Variants in CDIN1 observed in about 807,000 individuals in gnomAD.
The protein encoded by CDIN1 is CDAN1 interacting nuclease 1, also known as CDAN1-interacting nuclease 1.
Under a neutral mutation model 45.3 loss-of-function variants are expected in CDIN1, and 33 were observed. The observed-to-expected ratio is 0.73, with a 90% CI of 0.55 to 0.97. CDIN1 has a LOEUF of 0.97. Ranked by LOEUF, CDIN1 falls within the 50% of genes least tolerant of loss-of-function variation. CDIN1 has a pLI of 0.00. For synonymous variants in CDIN1, 118 were observed against 124.4 expected, an observed-to-expected ratio of 0.95 and a Z score of 0.34; for missense variants, 303 against 339.4, an observed-to-expected ratio of 0.89 and a Z score of 0.84.
chr15:36,793,409 C>A (rs777246949), intron 10 of CDIN1, among the ~76,000 whole-genome samples: 29 of 152,178 alleles, frequency 1.9e-4, no homozygotes, highest in Non-Finnish European at 2.8e-4. Context: ...CAGGTCCATG[C>A]TGTCAGTCCC....
At chr15:36,667,006 G>A (rs2140512655) in intron 5 of CDIN1, among the ~76,000 whole-genome samples, 1 of 152,300 alleles carries the variant, frequency 6.6e-6, no homozygotes, top group East Asian at 1.9e-4. Context: ...TAAGTGATTT[G>A]CTGCAGGTCA....
intron 10 of CDIN1, among the ~76,000 whole-genome samples, chr15:36,741,081 T>C (rs2044220413): frequency 6.6e-6 from 1 of 152,080 alleles, no homozygotes; most frequent in Non-Finnish European, 1.5e-5. Context: ...AGAATATAGG[T>C]GTGGACCACC....
intron 10 of CDIN1, among the ~76,000 whole-genome samples, chr15:36,731,823 C>A (rs1393110609): frequency 6.6e-6 from 1 of 152,120 alleles, no homozygotes; most frequent in Non-Finnish European, 1.5e-5. Context: ...AATTGTATTT[C>A]TTTCCCAGGA....
chr15:36,719,144 C>T (rs2140872819), intron 10 of CDIN1, among the ~76,000 whole-genome samples: 1 of 152,056 alleles, frequency 6.6e-6, no homozygotes, highest in African/African-American at 2.4e-5. Flanking sequence ...ATCACTTGAG[C>T]CCAGGAATTT....
At chr15:36,703,989 C>A (rs924840893) in intron 8 of CDIN1, among the ~76,000 whole-genome samples, 2 of 152,122 alleles carry the variant, frequency 1.3e-5, no homozygotes, top group East Asian at 3.9e-4. Flanking sequence ...ACAGCTACTA[C>A]CCTCCCTACA....
intron 1 of CDIN1, among the ~76,000 whole-genome samples, chr15:36,589,178 A>G (rs1188702899): frequency 6.6e-6 from 1 of 152,180 alleles, no homozygotes; most frequent in African/African-American, 2.4e-5. Flanking sequence ...TTTATTACAC[A>G]TTTTGTACAG....
intron 1 of CDIN1, among the ~76,000 whole-genome samples, chr15:36,582,734 T>A (rs2037104778): frequency 6.6e-6 from 1 of 152,196 alleles, no homozygotes; most frequent in Non-Finnish European, 1.5e-5. Flanking sequence ...TTTCAAGGAT[T>A]TTGATGTATA....
intron 1 of CDIN1, chr15:36,617,745 A>T (rs1314720064): frequency 5.2e-5 from 42 of 803,406 alleles, no homozygotes; most frequent in Non-Finnish European, 3.4e-5. Context: ...AGCTTTGTTC[A>T]AATTGAAAAC....
chr15:36,685,675 A>G (rs1200867922), intron 5 of CDIN1, among the ~76,000 whole-genome samples: 1 of 152,204 alleles, frequency 6.6e-6, no homozygotes, highest in Non-Finnish European at 1.5e-5. Context: ...CAAAGGGCTA[A>G]TATCCAGAAT....
In CDIN1 at chr15:36,617,638, C is replaced by G. The variant is rs150106892; in HGVS notation, c.102-26640C>G. The G allele has an allele frequency of 2.9e-4, 221 of 768,822 alleles. 1 individual carries two copies. The East Asian group carries it at 5.3e-3, about 19-fold the overall frequency. 47.6% of individuals were successfully genotyped at this position (768,822 alleles called of 1,614,324 possible). A position where few individuals can be genotyped will look rare whatever the true frequency, so the allele number is the denominator to read the frequency against. On this transcript the variant is annotated intron_variant, in intron 1 of 10. Transcript: ENST00000566621. ...AGTGTTAAGTTCTTCTCCCATGGTA[C>G]AAATTGATGAGAAGGGTAAAAAAGT...
At chr15:36,679,621 T>C (rs1252081580) in intron 5 of CDIN1, among the ~76,000 whole-genome samples, 2 of 152,238 alleles carry the variant, frequency 1.3e-5, no homozygotes, top group Non-Finnish European at 2.9e-5. Flanking sequence ...AGACATATTT[T>C]TCTTCTTTTG....
chr15:36,742,529 C>T (rs563879292), intron 10 of CDIN1, among the ~76,000 whole-genome samples: 8 of 152,242 alleles, frequency 5.3e-5, no homozygotes, highest in Admixed American at 4.6e-4. Context: ...GTAAAATAAA[C>T]TTTTTCAGGT....
chr15:36,621,172 T>C (rs747022884), intron 1 of CDIN1, among the ~76,000 whole-genome samples: 10 of 152,210 alleles, frequency 6.6e-5, no homozygotes, highest in Non-Finnish European at 1.2e-4. Context: ...ATATGTTAGA[T>C]TATGTGTGTA....
chr15:36,737,765 A>G (rs1595538191), intron 10 of CDIN1, among the ~76,000 whole-genome samples: 1 of 152,336 alleles, frequency 6.6e-6, no homozygotes, highest in East Asian at 1.9e-4. Flanking sequence ...ACTCATATAC[A>G]GGGAAATGCC....
chr15:36,749,694 G>GT (rs1291431286), intron 10 of CDIN1, among the ~76,000 whole-genome samples: 1 of 152,220 alleles, frequency 6.6e-6, no homozygotes, highest in East Asian at 1.9e-4. Context: ...GTACATCTGT[G>GT]TTTTTGTCAA....
intron 1 of CDIN1, chr15:36,613,869 G>C (rs1202777520): frequency 1.0e-5 from 16 of 1,580,376 alleles, no homozygotes; most frequent in Admixed American, 5.0e-5. Flanking sequence ...GCTTGTAAGT[G>C]GGTGATCACT....
intron 4 of CDIN1, 149 bp downstream of exon 4, chr15:36,654,307 C>A: frequency 1.7e-6 from 1 of 592,272 alleles, no homozygotes; most frequent in Non-Finnish European, 3.0e-6. Flanking sequence ...TCTCTTTGTA[C>A]TTTTAGTAAT....
chr15:36,772,658 T>A (rs1270366795), intron 10 of CDIN1, among the ~76,000 whole-genome samples: 1 of 152,162 alleles, frequency 6.6e-6, no homozygotes, highest in Non-Finnish European at 1.5e-5. Flanking sequence ...GAGGCCCTGA[T>A]AGATACATAC....
intron 7 of CDIN1, 30 bp downstream of exon 7, chr15:36,692,205 C>T (rs775453932): frequency 3.1e-6 from 5 of 1,605,520 alleles, no homozygotes; most frequent in Non-Finnish European, 1.7e-6. Flanking sequence ...TTTAGGTGCG[C>T]AATTGACGAG....
Sources: gnomAD v4.1 joint callset for allele counts (sites outside exome capture counted in the v4.1 genomes callset) on GRCh38, gnomAD v4.1.1 for gene constraint, MANE v1.5 for transcripts, NCBI Gene and HGNC (gene_info 2026-07-23, HGNC 2026-07-21) for gene names.